NAV2: variants seen among roughly 807,000 people sequenced by gnomAD.
The protein encoded by NAV2 is helicase, APC down-regulated 1.
Under a neutral mutation model 223.2 loss-of-function variants are expected in NAV2, and 54 were observed. The ratio of observed to expected loss-of-function variants is 0.24; its 90% CI spans 0.19 to 0.30. The LOEUF (loss-of-function observed/expected upper bound fraction) is 0.30. Ranked by LOEUF, NAV2 falls within the 10% of genes least tolerant of loss-of-function variation. NAV2 has a pLI of 1.00. For synonymous variants in NAV2, 1,279 were observed against 1,239.3 expected (o/e 1.03, Z -0.67); for missense variants, 2,806 against 3,147.5 (o/e 0.89, Z 2.60).
intron 1 of NAV2, among the ~76,000 whole-genome samples, chr11:19,447,861 A>C: frequency 6.6e-6 from 1 of 152,048 alleles, no homozygotes; most frequent in East Asian, 1.9e-4. Flanking sequence ...TTGCAGTGAG[A>C]TATGAGAGAT....
intron 34 of NAV2, 169 bp from the exon 35 acceptor site, chr11:20,105,362 T>G (rs774438324): frequency 9.1e-6 from 5 of 546,762 alleles, no homozygotes; most frequent in Non-Finnish European, 1.6e-5. Flanking sequence ...TATCAGGAAC[T>G]GTGAGTTAAT....
intron 11 of NAV2, among the ~76,000 whole-genome samples, chr11:20,032,867 CTG>C (rs1239617258): frequency 6.6e-6 from 1 of 152,202 alleles, no homozygotes; most frequent in Non-Finnish European, 1.5e-5. Flanking sequence ...GGAGCACAGA[CTG>C]TGTCTTTGGA....
At chr11:19,579,315 C>T (rs142075893) in intron 1 of NAV2, among the ~76,000 whole-genome samples, 2 of 152,306 alleles carry the variant, frequency 1.3e-5, no homozygotes, top group African/African-American at 4.8e-5. Context: ...TAACATGGTT[C>T]CTGGCAAATA....
chr11:19,650,798 T>C (rs1047774631), intron 1 of NAV2, among the ~76,000 whole-genome samples: 1 of 152,174 alleles, frequency 6.6e-6, no homozygotes, highest in African/African-American at 2.4e-5. Context: ...AAAAACATGC[T>C]GAGAGATAGA....
chr11:19,635,304 C>G (rs964506687), intron 1 of NAV2, among the ~76,000 whole-genome samples: 1 of 152,152 alleles, frequency 6.6e-6, no homozygotes, highest in African/African-American at 2.4e-5. Flanking sequence ...CACAGCAATG[C>G]ATAATCAGAT....
intron 10 of NAV2, among the ~76,000 whole-genome samples, chr11:19,974,225 C>A (rs1234745011): frequency 2.0e-5 from 3 of 152,204 alleles, no homozygotes; most frequent in Admixed American, 2.0e-4. Flanking sequence ...CAACATTTCT[C>A]ACAGTTTTGG....
chr11:20,106,175 A>ATGTGTGTG (rs1201940130), intron 35 of NAV2, among the ~76,000 whole-genome samples: 4 of 35,842 alleles, frequency 1.1e-4, no homozygotes, highest in African/African-American at 2.0e-4. Context: ...ATATATATAT[A>ATGTGTGTG]TGTGTGTGTA....
At chr11:19,529,076 A>G (rs963489919) in intron 1 of NAV2, among the ~76,000 whole-genome samples, 1 of 152,242 alleles carries the variant, frequency 6.6e-6, no homozygotes, top group Non-Finnish European at 1.5e-5. Context: ...ACACACACAC[A>G]CACTCCAGGT....
chr11:19,469,099 G>A (rs1170465261), intron 1 of NAV2, among the ~76,000 whole-genome samples: 3 of 152,150 alleles, frequency 2.0e-5, no homozygotes, highest in African/African-American at 7.2e-5. Flanking sequence ...GCAGTCCTCT[G>A]GCATTGCCCA....
At chr11:19,632,750 C>T (rs1044525646) in intron 1 of NAV2, among the ~76,000 whole-genome samples, 1 of 152,174 alleles carries the variant, frequency 6.6e-6, no homozygotes, top group Admixed American at 6.5e-5. Flanking sequence ...CTAGAAACCA[C>T]GGATGTTATA....
intron 1 of NAV2, among the ~76,000 whole-genome samples, chr11:19,475,856 G>A (rs1423522187): frequency 2.0e-5 from 3 of 152,258 alleles, no homozygotes; most frequent in South Asian, 2.1e-4. Flanking sequence ...CTTTTGTCGT[G>A]CATGTTCATA....
intron 20 of NAV2, among the ~76,000 whole-genome samples, chr11:20,064,869 T>C (rs6483636): frequency 0.13 from 20,104 of 152,196 alleles, 1,485 homozygotes; most frequent in African/African-American, 0.19. Flanking sequence ...GTCATCTGGT[T>C]ATTCAGAGTG....
chr11:20,035,822 G>A (rs2056301776), intron 11 of NAV2, 137 bp from the exon 12 acceptor site: 1 of 936,964 alleles, frequency 1.1e-6, no homozygotes, highest in Admixed American at 2.5e-5. Context: ...AGTCACATCT[G>A]AGTCAAGAGA....
chr11:19,372,852 G>A (rs1018514769), intron 1 of NAV2, among the ~76,000 whole-genome samples: 1 of 152,180 alleles, frequency 6.6e-6, no homozygotes, highest in Non-Finnish European at 1.5e-5. Context: ...GAGTTTCTAG[G>A]AAAGATTCAT....
chr11:19,664,542 G>T (rs2048362365), intron 1 of NAV2, among the ~76,000 whole-genome samples: 1 of 152,184 alleles, frequency 6.6e-6, no homozygotes, highest in South Asian at 2.1e-4. Context: ...CAATATGGTG[G>T]TAACAGGATT....
chr11:19,862,239 T>C (rs2061834505), intron 3 of NAV2, among the ~76,000 whole-genome samples: 1 of 152,220 alleles, frequency 6.6e-6, no homozygotes, highest in Non-Finnish European at 1.5e-5. Flanking sequence ...GACAACATCT[T>C]GGAAAGCTGA....
intron 1 of NAV2, among the ~76,000 whole-genome samples, chr11:19,783,103 G>C (rs1419374485): frequency 6.6e-6 from 1 of 152,214 alleles, no homozygotes; most frequent in East Asian, 1.9e-4. Flanking sequence ...ATCAGCTCCA[G>C]TATGTTTACT....
At chr11:19,914,888 G>A (rs1314277296) in intron 6 of NAV2, among the ~76,000 whole-genome samples, 1 of 152,208 alleles carries the variant, frequency 6.6e-6, no homozygotes, top group African/African-American at 2.4e-5. Context: ...TTGCCACTTA[G>A]AATTTCTCCA....
intron 11 of NAV2, among the ~76,000 whole-genome samples, chr11:20,005,277 G>A (rs1395169263): frequency 5.7e-5 from 8 of 139,686 alleles, no homozygotes; most frequent in South Asian, 2.3e-4. Context: ...TTGAGATGGA[G>A]TCTTGCTCTG....
Sources: allele counts gnomAD v4.1 joint callset (sites outside exome capture counted in the v4.1 genomes callset), GRCh38; gene constraint gnomAD v4.1.1; transcripts MANE v1.5; gene names NCBI Gene and HGNC (gene_info 2026-07-23, HGNC 2026-07-21).